PRDM11: variants seen among roughly 807,000 people sequenced by gnomAD.
PRDM11 encodes the protein PR domain-containing protein 11.
PRDM11 carries 20 observed loss-of-function variants against 97.8 expected under a neutral mutation model. That is an observed-to-expected ratio of 0.20 (90% CI 0.14 to 0.30). The LOEUF is 0.30. PRDM11 is among the 10% of genes least tolerant of loss of function. PRDM11 has a pLI of 1.00. For synonymous variants in PRDM11, 599 were observed against 637.7 expected (o/e 0.94, Z 0.91); for missense variants, 1,139 against 1,555.2 (o/e 0.73, Z 4.50).
Position 45,153,488 on chromosome 11 carries a change from T to C in PRDM11, c.-7+6611T>C, listed in dbSNP as rs966575327. 4.6e-5 allele frequency among the ~76,000 whole-genome samples: 7 copies of C among 152,148 alleles called. No homozygotes were observed. The South Asian group carries it at 1.5e-3, about 32-fold the overall frequency. ...GAAAGACGGAGCACCAGTGAATGGCTTAGGGCCAGTCTTGGGCCATCTCCT... is the reference window on the plus strand; with the variant it reads ...GAAAGACGGAGCACCAGTGAATGGCCTAGGGCCAGTCTTGGGCCATCTCCT... On this transcript the variant is annotated intron_variant, in intron 1 of 7. Transcript: ENST00000683152.
intron 6 of PRDM11, among the ~76,000 whole-genome samples, chr11:45,223,545 G>A (rs1854176906): frequency 6.6e-6 from 1 of 152,202 alleles, no homozygotes; most frequent in African/African-American, 2.4e-5. Context: ...CCATGTTGGA[G>A]CCCTCAGCGC....
chr11:45,194,689 C>T (rs1398203326), intron 4 of PRDM11, among the ~76,000 whole-genome samples: 2 of 146,026 alleles, frequency 1.4e-5, no homozygotes, highest in African/African-American at 5.1e-5. Flanking sequence ...AGCTCCGCCT[C>T]CCGGGTTCAC....
chr11:45,220,505 G>T (rs1274493345), intron 6 of PRDM11, among the ~76,000 whole-genome samples: 2 of 152,218 alleles, frequency 1.3e-5, no homozygotes, highest in Non-Finnish European at 2.9e-5. Context: ...TCTTACAGAT[G>T]TGCAAACCGA....
At chr11:45,213,393 T>G (rs764525159) in intron 5 of PRDM11, 12 of 446,204 alleles carry the variant, frequency 2.7e-5, no homozygotes, top group Non-Finnish European at 5.5e-5. Context: ...CTTTCCAACC[T>G]TGGGGCTGCT....
At chr11:45,161,206 C>G (rs1269575194) in intron 1 of PRDM11, among the ~76,000 whole-genome samples, 1 of 152,224 alleles carries the variant, frequency 6.6e-6, no homozygotes, top group Non-Finnish European at 1.5e-5. Context: ...ATGTGCCATG[C>G]AGACACACAG....
At chr11:45,168,753 C>T (rs975684841) in intron 1 of PRDM11, among the ~76,000 whole-genome samples, 3 of 152,158 alleles carry the variant, frequency 2.0e-5, no homozygotes, top group East Asian at 1.9e-4. Context: ...CTCCAGCACC[C>T]GGCAAGTGGT....
chr11:45,224,353 C>G lies in PRDM11; in HGVS notation c.879C>G (p.His293Gln). The change falls in exon 7 of 8, where the codon CAC becomes CAG. Residue 293 changes from histidine (H) to glutamine (Q), a missense_variant. Coordinates refer to ENST00000683152, the MANE Select transcript of PRDM11 (RefSeq NM_001384648.1). ...YKRGFDEGDV[H>Q]PQAKKKKIDL... ...GTGGCTTTGATGAGGGGGATGTACACCCCCAAGCTAAGAAGAAGAAAATTG... is the reference window on the plus strand; with the variant it reads ...GTGGCTTTGATGAGGGGGATGTACAGCCCCAAGCTAAGAAGAAGAAAATTG... The G allele has an allele frequency of 6.2e-7, 1 of 1,614,106 alleles. No individual in the cohort carries two copies. Among genetic ancestry groups the G allele is most frequent in the East Asian group, 2.2e-5 (1 of 44,882 alleles).
At chr11:45,127,379 G>A (rs1314987295) in intron 1 of PRDM11, among the ~76,000 whole-genome samples, 1 of 152,220 alleles carries the variant, frequency 6.6e-6, no homozygotes, top group Non-Finnish European at 1.5e-5. Context: ...TTGCTGGTGA[G>A]GAGCTGCGTT....
intron 1 of PRDM11, among the ~76,000 whole-genome samples, chr11:45,172,261 G>T (rs1852220068): frequency 6.6e-6 from 1 of 152,204 alleles, no homozygotes; most frequent in Admixed American, 6.5e-5. Flanking sequence ...ACCTTGCTGT[G>T]TTCACTAATC....
At chr11:45,146,414 T>G (rs1213432227), upstream of PRDM11, among the ~76,000 whole-genome samples, 1 of 152,174 alleles carries the variant, frequency 6.6e-6, no homozygotes, top group Non-Finnish European at 1.5e-5. Context: ...TTTTCTTTTT[T>G]TCATCTATTT....
At chr11:45,147,995 G>A (rs1195068641) in intron 1 of PRDM11, among the ~76,000 whole-genome samples, 2 of 152,120 alleles carry the variant, frequency 1.3e-5, no homozygotes, top group Admixed American at 1.3e-4. Flanking sequence ...GATGCCTGTA[G>A]CAACCAAGCT....
At chr11:45,103,079 T>C (rs1455523976) in intron 1 of PRDM11, among the ~76,000 whole-genome samples, 1 of 152,282 alleles carries the variant, frequency 6.6e-6, no homozygotes, top group Non-Finnish European at 1.5e-5. Context: ...GCTCATATAA[T>C]CGTGAGCCCT....
At chr11:45,195,200 T>TA (rs1463736082) in intron 4 of PRDM11, among the ~76,000 whole-genome samples, 1 of 152,204 alleles carries the variant, frequency 6.6e-6, no homozygotes, top group Non-Finnish European at 1.5e-5. Flanking sequence ...TTTTATTTTT[T>TA]AACAGCTTTA....
At chr11:45,179,869 C>T (rs548663716) in intron 1 of PRDM11, among the ~76,000 whole-genome samples, 27 of 152,310 alleles carry the variant, frequency 1.8e-4, no homozygotes, top group African/African-American at 5.8e-4. Flanking sequence ...ACTGAGGCTC[C>T]ACCCCAGGAT....
At chr11:45,204,356 C>A (rs1207957159) in intron 4 of PRDM11, among the ~76,000 whole-genome samples, 1 of 152,146 alleles carries the variant, frequency 6.6e-6, no homozygotes, top group South Asian at 2.1e-4. Flanking sequence ...AGTTGCAGTG[C>A]GAGGCCAGTG....
chr11:45,181,281 G>A (rs1852489899), intron 1 of PRDM11, among the ~76,000 whole-genome samples: 1 of 152,202 alleles, frequency 6.6e-6, no homozygotes, highest in Admixed American at 6.5e-5. Context: ...GCTGGCAAAG[G>A]GGCCTGGCTG....
intron 4 of PRDM11, among the ~76,000 whole-genome samples, chr11:45,203,623 A>AT (rs3052176): frequency 0.016 from 2,281 of 143,864 alleles, 46 homozygotes; most frequent in African/African-American, 0.05. Context: ...TACTCCCATA[A>AT]TTTTTTTTTT....
chr11:45,222,971 C>G (rs983673205), intron 6 of PRDM11, among the ~76,000 whole-genome samples: 3 of 152,214 alleles, frequency 2.0e-5, no homozygotes, highest in Non-Finnish European at 4.4e-5. Context: ...CTCTCACCAG[C>G]AAGCATCAGC....
At chr11:45,161,060 C>A (rs1030928392) in intron 1 of PRDM11, among the ~76,000 whole-genome samples, 1 of 152,176 alleles carries the variant, frequency 6.6e-6, no homozygotes, top group Non-Finnish European at 1.5e-5. Flanking sequence ...CAGCCCCTTA[C>A]CAACTGGGTA....
Sources: allele counts gnomAD v4.1 joint callset (sites outside exome capture counted in the v4.1 genomes callset), GRCh38; gene constraint gnomAD v4.1.1; transcripts MANE v1.5; gene names NCBI Gene and HGNC (gene_info 2026-07-23, HGNC 2026-07-21).